The following ANKRD12 variants were observed in gnomAD, a reference collection of about 807,000 sequenced individuals.
ANKRD12 encodes the protein ankyrin repeat domain-containing protein 12.
Under a neutral mutation model 183.4 loss-of-function variants are expected in ANKRD12, and 85 were observed. The observed-to-expected ratio is 0.46, with a 90% confidence interval of 0.39 to 0.56. ANKRD12 has a LOEUF of 0.56. Among genes scored for constraint, ANKRD12 ranks in the 20% least tolerant of loss-of-function variants. The probability of loss-of-function intolerance (pLI) is 0.00; values close to 1 mark genes in which losing one functional copy is unlikely to be tolerated. For synonymous variants in ANKRD12, 914 were observed against 800.2 expected (o/e 1.14, Z -2.40); for missense variants, 2,405 against 2,357.1 (o/e 1.02, Z -0.42).
At position 9,193,113 on chromosome 18, in the gene ANKRD12, A is replaced by G. The variant is rs192953524; in HGVS notation, c.88-2438A>G. ...ATTTTTACAGGCTGTAAGTTTTTTA[A>G]TAGTATAAAATTGAGTACAGCATTT... On this transcript the variant is annotated intron_variant, in intron 2 of 12. Coordinates refer to ENST00000262126, the MANE Select transcript of ANKRD12 (RefSeq NM_015208.5). Among the ~76,000 whole-genome samples, 962 of 150,632 alleles carry G rather than the reference A, an allele frequency of 6.4e-3. 7 individuals are homozygous for G. The highest frequency in any genetic ancestry group is 0.017 in the Middle Eastern group (5 of 292).
intron 1 of ANKRD12, among the ~76,000 whole-genome samples, chr18:9,157,550 GGTGTGTGTGTGTGTGTGTGTGT>G (rs71168037): frequency 8.7e-6 from 1 of 114,598 alleles, no homozygotes; most frequent in South Asian, 2.5e-4. Flanking sequence ...GGTGTGTGTG[GGTGTGTGTGTGTGTGTGTGTGT>G]GTGTGTGTGT....
chr18:9,196,233 C>G (rs557022501), intron 3 of ANKRD12, among the ~76,000 whole-genome samples: 3 of 145,512 alleles, frequency 2.1e-5, no homozygotes, highest in Non-Finnish European at 3.0e-5. Flanking sequence ...CTGAGGCTAA[C>G]TGCCTCAGTG....
intron 2 of ANKRD12, among the ~76,000 whole-genome samples, chr18:9,187,453 C>A (rs909538481): frequency 2.6e-5 from 4 of 152,094 alleles, no homozygotes; most frequent in Middle Eastern, 3.2e-3. Context: ...TAAGTAGAGA[C>A]CCCATTTACA....
intron 4 of ANKRD12, among the ~76,000 whole-genome samples, chr18:9,205,831 T>G (rs942074044): frequency 2.0e-5 from 3 of 152,132 alleles, no homozygotes; most frequent in African/African-American, 7.2e-5. Context: ...TTCCATTGTT[T>G]GATTCTTATA....
intron 6 of ANKRD12, among the ~76,000 whole-genome samples, chr18:9,215,349 T>G (rs1425538794): frequency 6.6e-6 from 1 of 152,130 alleles, no homozygotes; most frequent in Non-Finnish European, 1.5e-5. Context: ...GCTGCCAGTC[T>G]TTTGGTTGTA....
In ANKRD12 at chr18:9,244,632, T is replaced by TC. The variant is rs2037851400; in HGVS notation, c.944-9578dup. On this transcript the variant is annotated intron_variant, in intron 8 of 12. Coordinates refer to ENST00000262126, the MANE Select transcript of ANKRD12 (RefSeq NM_015208.5). ...CTCGTATGATTTCGATTCTGAGAGT[T>TC]CATTGTGTCATGCTGTTGAGGATAT... Among the ~76,000 whole-genome samples the TC allele has an allele frequency of 2.0e-5, 3 of 152,218 alleles. No individual in the cohort carries two copies. The South Asian group carries it at 6.2e-4, about 31-fold the overall frequency.
intron 1 of ANKRD12, among the ~76,000 whole-genome samples, chr18:9,170,867 G>A (rs927716367): frequency 1.3e-5 from 2 of 152,038 alleles, no homozygotes; most frequent in African/African-American, 2.4e-5. Flanking sequence ...TGATGGTGAC[G>A]TACAGATGGG....
intron 1 of ANKRD12, among the ~76,000 whole-genome samples, chr18:9,162,235 C>A (rs559922807): frequency 1.3e-5 from 2 of 151,652 alleles, no homozygotes; most frequent in East Asian, 3.9e-4. Flanking sequence ...TGTCCCCCCC[C>A]ACCCCAATAT....
intron 4 of ANKRD12, among the ~76,000 whole-genome samples, chr18:9,206,703 G>C (rs2035505415): frequency 6.6e-6 from 1 of 152,036 alleles, no homozygotes; most frequent in African/African-American, 2.4e-5. Context: ...TATCCAATTT[G>C]TTTCTTTCTT....
chr18:9,253,653 G>A (rs1318814589), intron 8 of ANKRD12, among the ~76,000 whole-genome samples: 1 of 152,152 alleles, frequency 6.6e-6, no homozygotes, highest in Non-Finnish European at 1.5e-5. Flanking sequence ...TGGGAGTGCA[G>A]GTTATCTCTT....
intron 10 of ANKRD12, among the ~76,000 whole-genome samples, chr18:9,268,777 TCAGG>T (rs2039439732): frequency 6.6e-6 from 1 of 152,144 alleles, no homozygotes; most frequent in Non-Finnish European, 1.5e-5. Flanking sequence ...GCCAGGGCAA[TCAGG>T]CAGGAGAAGG....
At chr18:9,269,791 G>T (rs1374650738) in intron 10 of ANKRD12, among the ~76,000 whole-genome samples, 1 of 152,142 alleles carries the variant, frequency 6.6e-6, no homozygotes, top group Non-Finnish European at 1.5e-5. Flanking sequence ...AAACTAAAGA[G>T]CTTCTGCACA....
At chr18:9,151,288 T>A (rs1029487218) in intron 1 of ANKRD12, among the ~76,000 whole-genome samples, 4 of 152,202 alleles carry the variant, frequency 2.6e-5, no homozygotes, top group Non-Finnish European at 5.9e-5. Flanking sequence ...AATTACTTAG[T>A]GTTTATGTCT....
At chr18:9,272,074 A>C (rs987670656) in intron 10 of ANKRD12, among the ~76,000 whole-genome samples, 2 of 152,192 alleles carry the variant, frequency 1.3e-5, no homozygotes, top group African/African-American at 4.8e-5. Context: ...CCAAGAAACT[A>C]AGAGGAAGCA....
chr18:9,264,736 A>G (rs192868318), intron 10 of ANKRD12, among the ~76,000 whole-genome samples: 33 of 152,048 alleles, frequency 2.2e-4, no homozygotes, highest in African/African-American at 7.7e-4. Context: ...AAGTCAGGTA[A>G]TATAACACAC....
chr18:9,253,480 C>G (rs1034430928), intron 8 of ANKRD12, among the ~76,000 whole-genome samples: 3 of 152,196 alleles, frequency 2.0e-5, no homozygotes, highest in Admixed American at 2.0e-4. Context: ...TACTGTCCTC[C>G]AGTTCCATCC....
chr18:9,221,866 AC>A lies in ANKRD12; in HGVS notation c.811del (p.Leu271PhefsTer20). On this transcript the variant is annotated frameshift_variant, in exon 8 of 13. Transcript: ENST00000262126. LOFTEE classifies it high-confidence loss of function. ...TATTGTTGCAGATAGTAAAGCTGTT[AC>A]TTCGTCACGGTGGAAATCCATTTCA... is the stretch of plus-strand genomic sequence containing the variant. ...SGHRDIVKLL[L>X]RHGGNPFQAN... The A allele has an allele frequency of 6.2e-7, 1 of 1,613,842 alleles. No homozygotes were observed. Among genetic ancestry groups the A allele is most frequent in the Non-Finnish European group, 8.5e-7 (1 of 1,179,832 alleles).
At chr18:9,238,916 G>C (rs1295472485) in intron 8 of ANKRD12, among the ~76,000 whole-genome samples, 5 of 152,312 alleles carry the variant, frequency 3.3e-5, no homozygotes, top group South Asian at 2.1e-4. Flanking sequence ...GAGTCCAGGA[G>C]TTCAAGACCA....
rs747859883 is a variant in ANKRD12 at position 9,255,356 on chromosome 18, A to G, written c.2089A>G (p.Lys697Glu). 6.2e-7 allele frequency: 1 copy of G among 1,608,868 alleles called. No homozygotes were observed. The highest frequency in any genetic ancestry group is 8.5e-7 in the Non-Finnish European group (1 of 1,178,538). ...RSVEFDREFW[K>E]ENFFKSDETE... ...TGTGGAATTTGATAGAGAATTTTGG[A>G]AAGAGAATTTTTTTAAAAGTGATGA... Residue 697 changes from lysine to glutamate, a missense_variant, in exon 9 of 13, where the codon AAA (lysine) becomes GAA (glutamate). Transcript: ENST00000262126.
Sources: allele counts gnomAD v4.1 joint callset (sites outside exome capture counted in the v4.1 genomes callset), GRCh38; gene constraint gnomAD v4.1.1; transcripts MANE v1.5; gene names NCBI Gene and HGNC (gene_info 2026-07-23, HGNC 2026-07-21).